Variants in ZNF451 observed in about 807,000 individuals in gnomAD.
ZNF451 encodes E3 SUMO-protein ligase ZNF451.
Under a neutral mutation model 107.1 loss-of-function variants are expected in ZNF451, and 80 were observed. The observed-to-expected ratio is 0.75, with a 90% CI of 0.62 to 0.90. The LOEUF is 0.90. Among genes scored for constraint, ZNF451 ranks in the 40% least tolerant of loss-of-function variants. The pLI is 0.00. For missense variants in ZNF451, 1,107 were observed against 1,236.2 expected (o/e 0.90, Z 1.57); for synonymous variants, 362 against 406.5 (o/e 0.89, Z 1.32).
intron 14 of ZNF451, among the ~76,000 whole-genome samples, chr6:57,166,539 C>G (rs1763907827): frequency 6.6e-6 from 1 of 152,032 alleles, no homozygotes; most frequent in Admixed American, 6.6e-5. Flanking sequence ...ACTTTTAAAA[C>G]TTTTTTGTTA....
At chr6:57,118,172 T>C (rs527290097) in intron 3 of ZNF451, among the ~76,000 whole-genome samples, 2 of 152,328 alleles carry the variant, frequency 1.3e-5, no homozygotes, top group African/African-American at 4.8e-5. Context: ...TGTTTAGGAA[T>C]GTCAGTCCTT....
chr6:57,102,529 T>G (rs58490209), intron 3 of ZNF451: 4 of 989,250 alleles, frequency 4.0e-6, no homozygotes, highest in Non-Finnish European at 3.6e-6. Flanking sequence ...TCCTTAACTT[T>G]TAGGTTATCA....
At chr6:57,094,990 G>C (rs1829218457) in intron 2 of ZNF451, among the ~76,000 whole-genome samples, 2 of 152,112 alleles carry the variant, frequency 1.3e-5, no homozygotes, top group African/African-American at 4.8e-5. Context: ...TAAAAGCTTT[G>C]CACAAGGCAT....
At chr6:57,168,157 A>G (rs984186035) in intron 14 of ZNF451, among the ~76,000 whole-genome samples, 2 of 152,138 alleles carry the variant, frequency 1.3e-5, no homozygotes, top group African/African-American at 4.8e-5. Flanking sequence ...AGTGATTTTA[A>G]AAGTTTGTTG....
At chr6:57,145,063 CAT>C (rs1320565140) in intron 9 of ZNF451, among the ~76,000 whole-genome samples, 1 of 152,174 alleles carries the variant, frequency 6.6e-6, no homozygotes, top group Non-Finnish European at 1.5e-5. Flanking sequence ...AATTAGAGAA[CAT>C]ATTTTGTACA....
At chr6:57,136,583 A>G (rs537635461) in intron 7 of ZNF451, among the ~76,000 whole-genome samples, 2 of 152,310 alleles carry the variant, frequency 1.3e-5, no homozygotes, top group South Asian at 2.1e-4. Flanking sequence ...TGGGGAAGGA[A>G]GGGAAAAAGG....
chr6:57,136,520 A>G (rs1031910440), intron 7 of ZNF451, among the ~76,000 whole-genome samples: 10 of 152,180 alleles, frequency 6.6e-5, no homozygotes, highest in Non-Finnish European at 1.3e-4. Context: ...ACCAAAAGAC[A>G]TATTGAAGAA....
intron 2 of ZNF451, among the ~76,000 whole-genome samples, chr6:57,095,893 A>G (rs989115093): frequency 6.6e-6 from 1 of 150,776 alleles, no homozygotes; most frequent in Admixed American, 6.6e-5. Context: ...GCGTGATCTC[A>G]GCTCTCTGCA....
intron 2 of ZNF451, among the ~76,000 whole-genome samples, chr6:57,096,033 C>G (rs985534215): frequency 6.6e-6 from 1 of 151,628 alleles, no homozygotes; most frequent in African/African-American, 2.4e-5. Flanking sequence ...CATGTTGGCC[C>G]AGATGGTCTC....
intron 3 of ZNF451, chr6:57,109,737 A>G (rs764198458): frequency 1.5e-5 from 14 of 930,206 alleles, no homozygotes; most frequent in African/African-American, 1.8e-5. Flanking sequence ...TCTCAAGTAC[A>G]AGCTAAGAAA....
Position 57,152,157 on chromosome 6 carries a change from G to C in ZNF451, c.2753-64G>C, listed in dbSNP as rs1023120063. ...TTTTTTCTAGTATGTGTTTTTTCTTGATAAAATTTTTGGCCTTTCCTCTCC... is the reference window on the plus strand; with the variant it reads ...TTTTTTCTAGTATGTGTTTTTTCTTCATAAAATTTTTGGCCTTTCCTCTCC... On this transcript the variant is annotated intron_variant, in intron 11 of 14. Coordinates refer to ENST00000370706, the MANE Select transcript of ZNF451 (RefSeq NM_001031623.3). 5.9e-6 allele frequency: 9 copies of C among 1,521,584 alleles called. No individual in the cohort carries two copies. The Admixed American group carries it at 2.0e-4, about 34-fold the overall frequency. The allele number at this position is 1,521,584 out of a possible 1,614,324, so 94.3% of individuals were successfully genotyped here.
chr6:57,156,840 A>G (rs985959112), intron 13 of ZNF451, among the ~76,000 whole-genome samples: 2 of 152,202 alleles, frequency 1.3e-5, no homozygotes, highest in African/African-American at 4.8e-5. Flanking sequence ...TTAGATTCTC[A>G]TAAGGAGCGT....
chr6:57,100,514 C>T (rs1336100811), intron 3 of ZNF451: 4 of 1,356,890 alleles, frequency 2.9e-6, no homozygotes, highest in East Asian at 5.2e-5. Flanking sequence ...GTTCTACTTA[C>T]TGGACATGAA....
chr6:57,147,026 T>G, intron 9 of ZNF451, 64 bp from the exon 10 acceptor site: 1 of 1,412,024 alleles, frequency 7.1e-7, no homozygotes, highest in Non-Finnish European at 9.5e-7. Flanking sequence ...TGCAATAAAA[T>G]GCAGCAATGG....
intron 13 of ZNF451, among the ~76,000 whole-genome samples, chr6:57,155,207 TG>T (rs1358773957): frequency 1.3e-5 from 2 of 152,106 alleles, no homozygotes; most frequent in Non-Finnish European, 2.9e-5. Context: ...AAAAACAGGC[TG>T]GGTGCAGTGG....
chr6:57,134,943 C>T, intron 7 of ZNF451, 73 bp downstream of exon 7: 2 of 1,321,674 alleles, frequency 1.5e-6, no homozygotes, highest in South Asian at 2.8e-5. Flanking sequence ...TTTTTTCCTG[C>T]TGTTCTTAAG....
At chr6:57,141,556 GT>G in intron 8 of ZNF451, 101 bp downstream of exon 8, 1 of 1,073,256 alleles carries the variant, frequency 9.3e-7, no homozygotes, top group Non-Finnish European at 1.3e-6. Context: ...CCTCATCTTA[GT>G]TTTAGAACTA....
chr6:57,114,979 G>T (rs561924451), intron 3 of ZNF451: 1 of 152,268 alleles, frequency 6.6e-6, no homozygotes, highest in South Asian at 2.1e-4. Flanking sequence ...TGCAAGTGTT[G>T]CTTGGCACAG....
At chr6:57,102,790 T>C in intron 3 of ZNF451, 1 of 985,464 alleles carries the variant, frequency 1.0e-6, no homozygotes, top group Non-Finnish European at 1.2e-6. Flanking sequence ...AAAAGACTTC[T>C]ACCTGTAACA....
Sources: gnomAD v4.1 joint callset for allele counts (sites outside exome capture counted in the v4.1 genomes callset) on GRCh38, gnomAD v4.1.1 for gene constraint, MANE v1.5 for transcripts, NCBI Gene and HGNC (gene_info 2026-07-23, HGNC 2026-07-21) for gene names.